CLDN10: variants seen among roughly 807,000 people sequenced by gnomAD.
CLDN10 encodes the protein claudin-10.
Under a neutral mutation model 22.9 loss-of-function variants are expected in CLDN10, and 15 were observed. That is an observed-to-expected ratio of 0.65 (90% CI 0.44 to 1.01). The LOEUF (loss-of-function observed/expected upper bound fraction) is 1.01, where lower values mean the gene tolerates loss of function less well. CLDN10 is among the 50% of genes least tolerant of loss of function. The pLI, the probability that CLDN10 is intolerant of heterozygous loss-of-function variation, is 0.00. For synonymous variants in CLDN10, 114 were observed against 111.4 expected (o/e 1.02, Z -0.15); for missense variants, 247 against 287.8 (o/e 0.86, Z 1.03).
chr13:95,561,780 T>G (rs2138661395), intron 3 of CLDN10, among the ~76,000 whole-genome samples: 1 of 151,924 alleles, frequency 6.6e-6, no homozygotes, highest in South Asian at 2.1e-4. Context: ...TTTTTTTTTT[T>G]TAAGAGTTAG....
intron 1 of CLDN10, among the ~76,000 whole-genome samples, chr13:95,541,468 C>T (rs1462842432): frequency 6.6e-6 from 1 of 152,320 alleles, no homozygotes; most frequent in East Asian, 1.9e-4. Flanking sequence ...GACCCCATCA[C>T]ACTCTGCGTC....
In CLDN10 at chr13:95,474,612, G is replaced by A. The variant is rs1038649896; in HGVS notation, c.214+40565G>A. 2.6e-5 allele frequency among the ~76,000 whole-genome samples: 4 copies of A among 152,364 alleles called. 1 individual carries two copies. Among genetic ancestry groups the A allele is most frequent in the Admixed American group, 2.6e-4 (4 of 15,304 alleles). The stretch of plus-strand genomic sequence containing the variant: ...GCTTCTAGCAGGGAAGAGAGTAAGA[G>A]AACAAATCCAAGAAGAAGCTGTGTA... On this transcript the variant is annotated intron_variant, in intron 1 of 4. Transcript: ENST00000376873.
rs186880146 is a variant in CLDN10 at position 95,524,953 on chromosome 13, G to A, written c.215-35179G>A. Among the ~76,000 whole-genome samples, 1,460 of 151,622 alleles carry A rather than the reference G, an allele frequency of 9.6e-3. 22 individuals are homozygous for A. The highest frequency in any genetic ancestry group is 0.033 in the African/African-American group (1,368 of 41,346). ...CGGCTCAACACAACCTCCACCCCCC[G>A]GGTTCAAGCAATTCTCCTGCCTCGG... On this transcript the variant is annotated intron_variant, in intron 1 of 4. Transcript: ENST00000376873.
chr13:95,527,760 T>C (rs964279279), intron 1 of CLDN10, among the ~76,000 whole-genome samples: 3 of 151,900 alleles, frequency 2.0e-5, no homozygotes, highest in African/African-American at 7.3e-5. Context: ...CAAAAATAAA[T>C]AAATAAACAA....
intron 1 of CLDN10, among the ~76,000 whole-genome samples, chr13:95,526,729 G>A (rs549393190): frequency 1.4e-4 from 21 of 152,166 alleles, no homozygotes; most frequent in South Asian, 8.3e-4. Context: ...GGAGGTTGCA[G>A]TGAACCAATG....
At chr13:95,545,090 A>G (rs997116802) in intron 1 of CLDN10, among the ~76,000 whole-genome samples, 8 of 152,174 alleles carry the variant, frequency 5.3e-5, no homozygotes, top group Admixed American at 5.2e-4. Context: ...ACTTTTAAAT[A>G]TTATTCAAAT....
At chr13:95,564,987 CT>C (rs1332398256) in intron 3 of CLDN10, among the ~76,000 whole-genome samples, 1 of 152,092 alleles carries the variant, frequency 6.6e-6, no homozygotes, top group Non-Finnish European at 1.5e-5. Context: ...TTTTGTTTTG[CT>C]TTTTTTCATT....
intron 3 of CLDN10, among the ~76,000 whole-genome samples, chr13:95,563,472 CA>C (rs2043745090): frequency 6.6e-6 from 1 of 152,098 alleles, no homozygotes; most frequent in Non-Finnish European, 1.5e-5. Context: ...AGTGCTTATC[CA>C]TTGGTAATAT....
chr13:95,440,791 T>C (rs2042317255), intron 1 of CLDN10, among the ~76,000 whole-genome samples: 1 of 152,236 alleles, frequency 6.6e-6, no homozygotes, highest in African/African-American at 2.4e-5. Flanking sequence ...AGCCACTGTA[T>C]AATTGTCTCT....
intron 1 of CLDN10, among the ~76,000 whole-genome samples, chr13:95,554,134 T>G (rs1031696327): frequency 1.3e-5 from 2 of 152,110 alleles, no homozygotes; most frequent in African/African-American, 2.4e-5. Context: ...ACGCATCTAG[T>G]TTTAGAAGGG....
chr13:95,577,756 G>C (rs893048320), intron 4 of CLDN10, 144 bp from the exon 5 acceptor site: 1 of 563,072 alleles, frequency 1.8e-6, no homozygotes, highest in South Asian at 2.6e-5. Context: ...ATACTTCTTG[G>C]GGCAAGAGGA....
intron 1 of CLDN10, among the ~76,000 whole-genome samples, chr13:95,484,266 G>A (rs1217920166): frequency 6.6e-6 from 1 of 152,080 alleles, no homozygotes; most frequent in Non-Finnish European, 1.5e-5. Flanking sequence ...AGCAGCTGGG[G>A]CCTGATGTCC....
intron 1 of CLDN10, among the ~76,000 whole-genome samples, chr13:95,465,552 T>A (rs1443547183): frequency 2.0e-5 from 3 of 152,168 alleles, no homozygotes; most frequent in African/African-American, 7.2e-5. Context: ...TCCAAGCCAT[T>A]CACTACAAAA....
chr13:95,491,597 TG>T (rs1466275169), intron 1 of CLDN10, among the ~76,000 whole-genome samples: 3 of 152,158 alleles, frequency 2.0e-5, no homozygotes, highest in Non-Finnish European at 4.4e-5. Context: ...ACTTTTGCAT[TG>T]GGCTTCTCCT....
At chr13:95,452,007 C>T (rs1297877503) in intron 1 of CLDN10, among the ~76,000 whole-genome samples, 1 of 152,194 alleles carries the variant, frequency 6.6e-6, no homozygotes, top group Non-Finnish European at 1.5e-5. Flanking sequence ...TAGCGGCTCA[C>T]CCTGGTTCTC....
At chr13:95,465,343 C>G (rs962873788) in intron 1 of CLDN10, among the ~76,000 whole-genome samples, 1 of 152,136 alleles carries the variant, frequency 6.6e-6, no homozygotes, top group Non-Finnish European at 1.5e-5. Context: ...GGTGGGGACA[C>G]AGAGCCAAAC....
intron 1 of CLDN10, among the ~76,000 whole-genome samples, chr13:95,483,316 A>G (rs1461612559): frequency 6.6e-6 from 1 of 151,904 alleles, no homozygotes; most frequent in Non-Finnish European, 1.5e-5. Context: ...ATCTAAGCTT[A>G]TTTCTCAATT....
intron 1 of CLDN10, among the ~76,000 whole-genome samples, chr13:95,556,559 CA>C (rs1314983487): frequency 6.6e-6 from 1 of 152,224 alleles, no homozygotes; most frequent in Non-Finnish European, 1.5e-5. Context: ...GCTCAGCAGA[CA>C]TCCATATTAT....
rs551729002 is a variant in CLDN10, at chr13:95,517,965, G to A, written c.215-42167G>A. ...AAAAAAAAAAAAAAAGAGAGATTGA[G>A]CATATGTTTGATAATCAACGAACAG... On this transcript the variant is annotated intron_variant, in intron 1 of 4. Coordinates refer to the CLDN10 transcript ENST00000376873. Among the ~76,000 whole-genome samples the A allele has an allele frequency of 4.7e-5, 7 of 148,984 alleles. No individual in the cohort carries two copies. The East Asian group carries it at 7.9e-4, about 17-fold the overall frequency.
Sources: allele counts gnomAD v4.1 joint callset (sites outside exome capture counted in the v4.1 genomes callset), GRCh38; gene constraint gnomAD v4.1.1; transcripts MANE v1.5; gene names NCBI Gene and HGNC (gene_info 2026-07-23, HGNC 2026-07-21).